Variants in CEP63 observed in about 807,000 individuals in gnomAD.
The protein encoded by CEP63 is centrosomal protein 63.
In CEP63, 84 loss-of-function variants were observed where a neutral mutation model predicts 89.1. That is an observed-to-expected ratio of 0.94 (90% CI 0.79 to 1.13). CEP63 has a LOEUF of 1.13. CEP63 is among the 50% of genes most tolerant of loss of function. The pLI, the probability that CEP63 is intolerant of heterozygous loss-of-function variation, is 0.00. For synonymous variants in CEP63, 267 were observed against 272.5 expected (o/e 0.98, Z 0.20); for missense variants, 838 against 813.3 (o/e 1.03, Z -0.37).
At chr3:134,608,846 C>G in the CEP63 span, 1 of 1,602,144 alleles carries the variant, frequency 6.2e-7, no homozygotes, top group Non-Finnish European at 8.5e-7. Flanking sequence ...GTAGCTGGAG[C>G]AGAGACAAGC....
downstream of CEP63, among the ~76,000 whole-genome samples, chr3:134,589,589 C>CAA (rs55675043): frequency 3.8e-3 from 554 of 147,192 alleles, 5 homozygotes; most frequent in African/African-American, 0.013. Context: ...ATTAAAATGT[C>CAA]AAAAAAAAAA....
the CEP63 span, among the ~76,000 whole-genome samples, chr3:134,747,825 TC>T: frequency 6.6e-6 from 1 of 152,114 alleles, no homozygotes; most frequent in African/African-American, 2.4e-5. Flanking sequence ...TCACTCTGTT[TC>T]CCAGGCTGGA....
chr3:134,607,897 C>G, the CEP63 span: 13 of 991,418 alleles, frequency 1.3e-5, no homozygotes, highest in Non-Finnish European at 1.1e-5. Flanking sequence ...GAGCTTGGCC[C>G]TCATCCAGGG....
At chr3:134,752,687 A>G in the CEP63 span, among the ~76,000 whole-genome samples, 1 of 152,208 alleles carries the variant, frequency 6.6e-6, no homozygotes, top group Non-Finnish European at 1.5e-5. Flanking sequence ...AGCCAGGACA[A>G]GGGAGAGGTA....
chr3:134,662,487 T>C, the CEP63 span, among the ~76,000 whole-genome samples: 1 of 151,946 alleles, frequency 6.6e-6, no homozygotes, highest in East Asian at 1.9e-4. Context: ...GAAGAAAAAA[T>C]ATGTATTGGA....
At chr3:134,617,512 A>G in the CEP63 span, among the ~76,000 whole-genome samples, 2 of 152,248 alleles carry the variant, frequency 1.3e-5, no homozygotes, top group African/African-American at 2.4e-5. Context: ...GAGCACAGGT[A>G]ATTCCTGTAT....
the CEP63 span, among the ~76,000 whole-genome samples, chr3:134,622,893 G>C: frequency 1.2e-4 from 18 of 152,096 alleles, no homozygotes; most frequent in Non-Finnish European, 2.1e-4. Context: ...ACATCTCACT[G>C]CTCACAAGAG....
At chr3:134,684,693 C>T in the CEP63 span, among the ~76,000 whole-genome samples, 2 of 152,212 alleles carry the variant, frequency 1.3e-5, no homozygotes, top group African/African-American at 2.4e-5. Flanking sequence ...ACTTTGTCCC[C>T]AGGCAGACCT....
At chr3:134,651,044 C>A in the CEP63 span, 1 of 1,584,492 alleles carries the variant, frequency 6.3e-7, no homozygotes. Flanking sequence ...CGCAGCTGCC[C>A]CACACGGGAG....
chr3:134,553,798 A>G (rs1461077041), intron 12 of CEP63, among the ~76,000 whole-genome samples: 1 of 152,174 alleles, frequency 6.6e-6, no homozygotes, highest in Non-Finnish European at 1.5e-5. Context: ...TCTGATTTTG[A>G]TAGTCCTTGC....
chr3:134,573,449 A>G (rs913970724), intron 11 of CEP63, among the ~76,000 whole-genome samples: 20 of 152,206 alleles, frequency 1.3e-4, no homozygotes, highest in Non-Finnish European at 2.4e-4. Flanking sequence ...GTAAGGGTCC[A>G]GTTTCAATCT....
intron 3 of CEP63, among the ~76,000 whole-genome samples, chr3:134,521,376 G>A (rs947026071): frequency 6.6e-6 from 1 of 152,156 alleles, no homozygotes; most frequent in Admixed American, 6.5e-5. Context: ...AAAAGCAACA[G>A]TCAATTCCCA....
the CEP63 span, among the ~76,000 whole-genome samples, chr3:134,653,431 C>G: frequency 6.6e-6 from 1 of 152,206 alleles, no homozygotes; most frequent in African/African-American, 2.4e-5. Context: ...GTGCCTGACA[C>G]CTAGACCCTC....
the CEP63 span, among the ~76,000 whole-genome samples, chr3:134,674,875 GCTT>G: frequency 2.0e-5 from 3 of 151,970 alleles, no homozygotes; most frequent in African/African-American, 7.3e-5. Flanking sequence ...GAAGTACAAG[GCTT>G]GATACTTCAA....
At chr3:134,595,348 C>G in the CEP63 span, among the ~76,000 whole-genome samples, 1 of 152,156 alleles carries the variant, frequency 6.6e-6, no homozygotes, top group African/African-American at 2.4e-5. Context: ...TGAGGCCTCC[C>G]CAGCCATGCT....
At chr3:134,652,569 G>A in the CEP63 span, among the ~76,000 whole-genome samples, 2 of 151,772 alleles carry the variant, frequency 1.3e-5, no homozygotes, top group African/African-American at 4.8e-5. Flanking sequence ...GGCAAGTGGA[G>A]ATGGCTGACT....
upstream of CEP63, chr3:134,485,991 G>GGCCCCC: frequency 2.8e-5 from 26 of 938,126 alleles, no homozygotes; most frequent in Non-Finnish European, 3.0e-5. Context: ...CTCCTGCCAC[G>GGCCCCC]CCCCCCCCCC....
At position 134,563,047 on chromosome 3, in the gene CEP63, T is replaced by G. The variant is rs1957484717; in HGVS notation, c.*1512T>G. Reference sequence around the variant, plus strand: ...TAGCTGCTTATGCGATGTCTTCACTTGGATATCTGACAAACATCTTGTTTC... The same window carrying G: ...TAGCTGCTTATGCGATGTCTTCACTGGGATATCTGACAAACATCTTGTTTC... On this transcript the variant is annotated 3_prime_UTR_variant, in exon 15 of 15. Coordinates refer to ENST00000675561, the MANE Select transcript of CEP63 (RefSeq NM_001353108.3). 6.6e-6 allele frequency: 1 copy of G among 152,280 alleles called. No individual in the cohort carries two copies. The highest frequency in any genetic ancestry group is 6.5e-5 in the Admixed American group (1 of 15,282). 9.4% of individuals were successfully genotyped at this position (152,280 alleles called of 1,614,324 possible).
the CEP63 span, among the ~76,000 whole-genome samples, chr3:134,643,005 A>G: frequency 6.6e-6 from 1 of 152,150 alleles, no homozygotes; most frequent in African/African-American, 2.4e-5. Flanking sequence ...TCTGGCACAT[A>G]GTTAGCATTC....
Sources: allele counts gnomAD v4.1 joint callset (sites outside exome capture counted in the v4.1 genomes callset), GRCh38; gene constraint gnomAD v4.1.1; transcripts MANE v1.5; gene names NCBI Gene and HGNC (gene_info 2026-07-23, HGNC 2026-07-21).